Variants in AKAP10 observed in about 807,000 individuals in gnomAD.
The protein encoded by AKAP10 is A-kinase anchor protein 10, mitochondrial.
In AKAP10, 24 loss-of-function variants were observed where a neutral mutation model predicts 80.8. That is an observed-to-expected ratio of 0.30 (90% CI 0.22 to 0.42). The LOEUF (loss-of-function observed/expected upper bound fraction) is 0.42, where lower values mean the gene tolerates loss of function less well. Ranked by LOEUF, AKAP10 falls within the 10% of genes least tolerant of loss-of-function variation. The pLI, the probability that AKAP10 is intolerant of heterozygous loss-of-function variation, is 1.00. For synonymous variants in AKAP10, 291 were observed against 277.7 expected, an observed-to-expected ratio of 1.05 and a Z score of -0.48; for missense variants, 661 against 794.9, an observed-to-expected ratio of 0.83 and a Z score of 2.03.
chr17:19,945,716 C>CT (rs2043096129), intron 5 of AKAP10, among the ~76,000 whole-genome samples: 2 of 152,292 alleles, frequency 1.3e-5, no homozygotes, highest in South Asian at 4.1e-4. Context: ...AGGGGTCTTG[C>CT]TGTCCCCAGC....
At chr17:19,912,959 A>G (rs2042705976) in intron 12 of AKAP10, among the ~76,000 whole-genome samples, 1 of 149,862 alleles carries the variant, frequency 6.7e-6, no homozygotes, top group Non-Finnish European at 1.5e-5. Context: ...CACAATCTCC[A>G]CATTCCTCAA....
intron 2 of AKAP10, among the ~76,000 whole-genome samples, chr17:19,963,655 G>A (rs988266585): frequency 2.0e-5 from 3 of 152,148 alleles, no homozygotes; most frequent in African/African-American, 4.8e-5. Flanking sequence ...AGTACTTTGG[G>A]AGGCCAAGGT....
chr17:19,909,956 C>T lies in AKAP10; in HGVS notation c.1857G>A (p.Met619Ile). 1 of 1,613,750 alleles carries T rather than the reference C, an allele frequency of 6.2e-7. No homozygotes were observed. The highest frequency in any genetic ancestry group is 8.5e-7 in the Non-Finnish European group (1 of 1,179,870). ...KSKGSMFSQAMKKWVQGNTDE... is the reference protein window; with the variant it reads ...KSKGSMFSQAIKKWVQGNTDE... ...CAGTATTTCCTTGCACCCATTTCTT[C>T]ATAGCTTGTGAGAACATGGATCCTA... The change falls in exon 13 of 15, where the codon ATG (methionine) becomes ATA (isoleucine). Residue 619 changes from methionine to isoleucine, a missense_variant. Physicochemically the swap from Met to Ile is conservative, Grantham distance 10. Coordinates refer to ENST00000225737, the MANE Select transcript of AKAP10 (RefSeq NM_007202.4).
At position 19,940,813 on chromosome 17, in the gene AKAP10, T is replaced by C. The variant is rs61655182; in HGVS notation, c.1185+74A>G. 3.7e-3 allele frequency: 5,506 copies of C among 1,470,714 alleles called. 150 individuals are homozygous for C. In the African/African-American group the frequency reaches 0.066, roughly 18 times the overall value. The allele number at this position is 1,470,714 out of a possible 1,614,324, so 91.1% of individuals were successfully genotyped here. The stretch of plus-strand genomic sequence containing the variant: ...CTTGGCTCTTCTGTGTTATTTCCTA[T>C]AGACAGGGCCCCAGCATTGATAGTT... On this transcript the variant is annotated intron_variant, in intron 7 of 14. Coordinates refer to ENST00000225737, the MANE Select transcript of AKAP10 (RefSeq NM_007202.4).
chr17:19,963,059 A>C (rs780549610), intron 2 of AKAP10, 37 bp from the exon 3 acceptor site: 21 of 1,538,202 alleles, frequency 1.4e-5, no homozygotes, highest in Non-Finnish European at 1.9e-5. Context: ...AATTAAACAC[A>C]ATTTGATAGC....
chr17:19,965,862 T>C (rs1017101428), intron 2 of AKAP10, among the ~76,000 whole-genome samples: 2 of 152,144 alleles, frequency 1.3e-5, no homozygotes, highest in Non-Finnish European at 2.9e-5. Flanking sequence ...GTACCTTTTT[T>C]TTTTTTGGAT....
In AKAP10 at chr17:19,939,751, T is replaced by G. The variant is rs752460833; in HGVS notation, c.1284A>C (p.Gly428=). The G allele has an allele frequency of 2.5e-6, 4 of 1,613,918 alleles. No homozygotes were observed. The change falls in exon 8 of 15, where the codon GGA becomes GGC. Residue 428 remains glycine (G), a synonymous_variant. Transcript: ENST00000225737. ...QLAAKKGQYD[G]QEAQNDAMIL... ...TCATGGCATCATTCTGTGCCTCCTG[T>G]CCATCATATTGGCCCTTTTTGGCAG...
intron 11 of AKAP10, among the ~76,000 whole-genome samples, chr17:19,922,716 C>T (rs916627041): frequency 1.3e-5 from 2 of 152,002 alleles, no homozygotes; most frequent in Admixed American, 6.6e-5. Flanking sequence ...CTGGCTAACA[C>T]GGTGAAACCC....
Position 19,909,925 on chromosome 17 carries a change from C to A in AKAP10, c.1887+1G>T, listed in dbSNP as rs1297982837. ...CTTTTTATCCTAAAGGTAGGATTTA[C>A]CTCATCAGTATTTCCTTGCACCCAT... is the stretch of plus-strand genomic sequence containing the variant. On this transcript the variant is annotated splice_donor_variant, in intron 13 of 14. Transcript: ENST00000225737. LOFTEE classifies it high-confidence loss of function. The A allele has an allele frequency of 6.2e-7, 1 of 1,613,286 alleles. No homozygotes were observed. The highest frequency in any genetic ancestry group is 8.5e-7 in the Non-Finnish European group (1 of 1,179,530).
intron 5 of AKAP10, 141 bp downstream of exon 5, chr17:19,947,266 A>T: frequency 8.7e-6 from 6 of 687,430 alleles, no homozygotes; most frequent in Non-Finnish European, 1.5e-5. Flanking sequence ...AATCCGATAT[A>T]AAAAATACTC....
Position 19,909,246 on chromosome 17 carries a change from T to C in AKAP10, c.1918A>G (p.Lys640Glu), listed in dbSNP as rs1597485924. 6.2e-7 allele frequency: 1 copy of C among 1,613,700 alleles called. No homozygotes were observed. The highest frequency in any genetic ancestry group is 8.5e-7 in the Non-Finnish European group (1 of 1,179,922). Residue 640 changes from lysine to glutamate, a missense_variant, in exon 14 of 15, where the codon AAA becomes GAA. Transcript: ENST00000225737. ...AQEELAWKIAKMIVSDIMQQA... is the reference protein window; with the variant it reads ...AQEELAWKIAEMIVSDIMQQA... ...TGCATAATGTCACTGACTATCATTTTAGCAATCTTCCAAGCTAGCTCTTCC... is the reference window on the plus strand; with the variant it reads ...TGCATAATGTCACTGACTATCATTTCAGCAATCTTCCAAGCTAGCTCTTCC...
Position 19,905,827 on chromosome 17 carries a change from A to C in AKAP10, c.*400T>G, listed in dbSNP as rs1178459267. The C allele has an allele frequency of 1.2e-5, 2 of 164,156 alleles. No homozygotes were observed. Among genetic ancestry groups the C allele is most frequent in the Non-Finnish European group, 2.7e-5 (2 of 75,156 alleles). 10.2% of individuals were successfully genotyped at this position (164,156 alleles called of 1,614,324 possible). A position where few individuals can be genotyped will look rare whatever the true frequency, so the allele number is the denominator to read the frequency against. On this transcript the variant is annotated 3_prime_UTR_variant, in exon 15 of 15. Transcript: ENST00000225737. Reference sequence around the variant, plus strand: ...AAACCACCTCTGGCACCTGCTTTACAATGCTGATTAGGGATGAGTTACCAC... The same window carrying C: ...AAACCACCTCTGGCACCTGCTTTACCATGCTGATTAGGGATGAGTTACCAC...
chr17:19,976,973 C>G (rs1447351614), intron 1 of AKAP10, among the ~76,000 whole-genome samples: 1 of 152,062 alleles, frequency 6.6e-6, no homozygotes, highest in Non-Finnish European at 1.5e-5. Context: ...AAACATTGGG[C>G]AGGTAATACA....
In AKAP10 at chr17:19,915,611, A is replaced by C. The variant is rs2042735417; in HGVS notation, c.1834+4425T>G. ...GTTTAACCAAACTGCAGAAATTCCT[A>C]TTTATTAGTTTATGTGGGCATGTCT... is the stretch of plus-strand genomic sequence containing the variant. On this transcript the variant is annotated intron_variant, in intron 12 of 14. Transcript: ENST00000225737. Among the ~76,000 whole-genome samples, 5 of 152,226 alleles carry C rather than the reference A, an allele frequency of 3.3e-5. No homozygotes were observed. In the South Asian group the frequency reaches 1.0e-3, roughly 32 times the overall value.
At chr17:19,946,240 TA>T (rs1202721303) in intron 5 of AKAP10, among the ~76,000 whole-genome samples, 582 of 14,312 alleles carry the variant, frequency 0.041, 18 homozygotes, top group Middle Eastern at 0.062. Flanking sequence ...ATATATATTA[TA>T]TATATATATA....
intron 4 of AKAP10, among the ~76,000 whole-genome samples, chr17:19,956,923 G>C (rs1045395321): frequency 1.3e-5 from 2 of 151,816 alleles, no homozygotes; most frequent in African/African-American, 4.8e-5. Flanking sequence ...GAAGGAAGGA[G>C]GGAGGGAGGG....
At chr17:19,947,187 T>C (rs375759883) in intron 5 of AKAP10, 4 of 516,520 alleles carry the variant, frequency 7.7e-6, no homozygotes, top group African/African-American at 1.9e-5. Flanking sequence ...CCCGCTACAC[T>C]GCAGCCCATC....
chr17:19,929,053 A>G (rs1185303790), intron 10 of AKAP10, among the ~76,000 whole-genome samples: 2 of 152,218 alleles, frequency 1.3e-5, no homozygotes, highest in Non-Finnish European at 2.9e-5. Flanking sequence ...CATGGATAAC[A>G]TGATGCTCTT....
chr17:19,920,932 T>TGA (rs2042806224), intron 11 of AKAP10, among the ~76,000 whole-genome samples: 1 of 133,756 alleles, frequency 7.5e-6, no homozygotes. Context: ...TACCAACCAA[T>TGA]GATTAGTATC....
Sources: allele counts gnomAD v4.1 joint callset (sites outside exome capture counted in the v4.1 genomes callset), GRCh38; gene constraint gnomAD v4.1.1; transcripts MANE v1.5; gene names NCBI Gene and HGNC (gene_info 2026-07-23, HGNC 2026-07-21).